The following PDE5A variants were observed in gnomAD, a reference collection of about 807,000 sequenced individuals.
PDE5A encodes phosphodiesterase 5A.
PDE5A carries 67 observed loss-of-function variants against 110.2 expected under a neutral mutation model. That is an observed-to-expected ratio of 0.61 (90% confidence interval 0.50 to 0.75). The LOEUF is 0.75. Ranked by LOEUF, PDE5A falls within the 30% of genes least tolerant of loss-of-function variation. PDE5A has a pLI of 0.00. For synonymous variants in PDE5A, 328 were observed against 351.2 expected, an observed-to-expected ratio of 0.93 and a Z score of 0.74; for missense variants, 862 against 1,045.1, an observed-to-expected ratio of 0.82 and a Z score of 2.42.
chr4:119,573,198 A>G (rs150787185), intron 3 of PDE5A, among the ~76,000 whole-genome samples: 1 of 152,292 alleles, frequency 6.6e-6, no homozygotes, highest in East Asian at 1.9e-4. Context: ...TGCTACTACA[A>G]TCTTTAAGAA....
At chr4:119,564,664 G>C (rs973040150) in intron 5 of PDE5A, among the ~76,000 whole-genome samples, 2 of 151,902 alleles carry the variant, frequency 1.3e-5, no homozygotes, top group Admixed American at 1.3e-4. Flanking sequence ...AGAGTTCAAG[G>C]AAAAAAATTC....
chr4:119,568,141 T>TCC (rs1157533513), intron 3 of PDE5A, among the ~76,000 whole-genome samples: 1 of 150,304 alleles, frequency 6.7e-6, no homozygotes, highest in Non-Finnish European at 1.5e-5. Context: ...TCTCTCTCTC[T>TCC]CTTTTTTTTT....
intron 2 of PDE5A, among the ~76,000 whole-genome samples, chr4:119,600,149 C>T (rs999107928): frequency 6.6e-6 from 1 of 151,212 alleles, no homozygotes; most frequent in Non-Finnish European, 1.5e-5. Flanking sequence ...ATATTAAAAT[C>T]TAGAAAGAGC....
chr4:119,609,747 A>T (rs542455412), intron 1 of PDE5A, among the ~76,000 whole-genome samples: 29 of 152,288 alleles, frequency 1.9e-4, no homozygotes, highest in Admixed American at 1.3e-4. Flanking sequence ...TGTATTGTAT[A>T]TTTAAAAATT....
chr4:119,582,790 G>A (rs192216193), intron 3 of PDE5A, among the ~76,000 whole-genome samples: 17 of 152,316 alleles, frequency 1.1e-4, no homozygotes, highest in Admixed American at 5.9e-4. Context: ...CTGTCACAGA[G>A]CAGTAATATT....
At chr4:119,601,850 A>C (rs28625289) in intron 2 of PDE5A, among the ~76,000 whole-genome samples, 1 of 152,040 alleles carries the variant, frequency 6.6e-6, no homozygotes, top group African/African-American at 2.4e-5. Flanking sequence ...ATGGTATTCC[A>C]GCTAAAAGGG....
At chr4:119,575,336 C>T (rs36173322) in intron 3 of PDE5A, among the ~76,000 whole-genome samples, 75,204 of 151,824 alleles carry the variant, frequency 0.5, 18,810 homozygotes, top group South Asian at 0.64. Flanking sequence ...ATACAGAGAA[C>T]GCCACAAAGA....
At chr4:119,566,340 G>A (rs1727932488) in intron 4 of PDE5A, among the ~76,000 whole-genome samples, 1 of 152,092 alleles carries the variant, frequency 6.6e-6, no homozygotes, top group African/African-American at 2.4e-5. Flanking sequence ...GTAATTTTCA[G>A]GGGAACAACA....
At chr4:119,539,386 CT>C (rs2110484554) in intron 10 of PDE5A, among the ~76,000 whole-genome samples, 1 of 151,194 alleles carries the variant, frequency 6.6e-6, no homozygotes, top group Non-Finnish European at 1.5e-5. Flanking sequence ...GCTATTTCTG[CT>C]TGTGTACAGA....
intron 1 of PDE5A, among the ~76,000 whole-genome samples, chr4:119,621,745 C>T (rs1196174410): frequency 6.6e-6 from 1 of 152,204 alleles, no homozygotes; most frequent in Non-Finnish European, 1.5e-5. Flanking sequence ...ATCCCGCAAG[C>T]AATTAAAATT....
At chr4:119,557,399 C>T (rs1727581125) in intron 7 of PDE5A, among the ~76,000 whole-genome samples, 1 of 152,134 alleles carries the variant, frequency 6.6e-6, no homozygotes, top group Admixed American at 6.5e-5. Context: ...ATCTTGGCAT[C>T]TGTTTCTTGG....
rs574345789 is a variant in PDE5A, at chr4:119,513,050, T to A, written c.2001-1916A>T. 4 of 152,202 alleles carry A rather than the reference T, an allele frequency of 2.6e-5. No homozygotes were observed. In the East Asian group the frequency reaches 7.7e-4, roughly 29 times the overall value. The allele number at this position is 152,202 out of a possible 1,614,324, so 9.4% of individuals were successfully genotyped here. ...GTGCAGGGCATGCCCATTTACGACA[T>A]CAAAACCCTCAATCCCACCTCTTAC... On this transcript the variant is annotated intron_variant, in intron 14 of 20. Transcript: ENST00000354960.
intron 11 of PDE5A, among the ~76,000 whole-genome samples, chr4:119,536,836 C>G (rs887949770): frequency 2.6e-5 from 4 of 152,144 alleles, no homozygotes; most frequent in Non-Finnish European, 5.9e-5. Flanking sequence ...TCCCTCCTTA[C>G]AACCTAATGA....
At chr4:119,580,845 G>A (rs1219805010) in intron 3 of PDE5A, among the ~76,000 whole-genome samples, 1 of 152,216 alleles carries the variant, frequency 6.6e-6, no homozygotes, top group Non-Finnish European at 1.5e-5. Flanking sequence ...GGTTATACAA[G>A]TTGTATTTCA....
intron 3 of PDE5A, 57 bp from the exon 4 acceptor site, chr4:119,567,201 A>T (rs1727973533): frequency 8.1e-7 from 1 of 1,240,718 alleles, no homozygotes. Flanking sequence ...ACTTGTAAAA[A>T]TTCACCAAAA....
intron 3 of PDE5A, among the ~76,000 whole-genome samples, chr4:119,583,671 C>T (rs1293519457): frequency 6.6e-6 from 1 of 152,058 alleles, no homozygotes; most frequent in Non-Finnish European, 1.5e-5. Context: ...TATCAACTGG[C>T]TTAATTATAA....
At chr4:119,554,758 T>A (rs1228981847) in intron 7 of PDE5A, among the ~76,000 whole-genome samples, 1 of 151,930 alleles carries the variant, frequency 6.6e-6, no homozygotes, top group Admixed American at 6.6e-5. Flanking sequence ...AAATAAAAAA[T>A]AACATAAATT....
At chr4:119,601,543 G>A (rs1198056757) in intron 2 of PDE5A, among the ~76,000 whole-genome samples, 1 of 151,650 alleles carries the variant, frequency 6.6e-6, no homozygotes, top group East Asian at 1.9e-4. Flanking sequence ...AATCATAAGT[G>A]TAGTGCTTTC....
At chr4:119,601,026 A>G (rs1729325651) in intron 2 of PDE5A, among the ~76,000 whole-genome samples, 1 of 152,186 alleles carries the variant, frequency 6.6e-6, no homozygotes, top group African/African-American at 2.4e-5. Flanking sequence ...ACAATTAAAC[A>G]TGTTTCTGAT....
Sources: gnomAD v4.1 joint callset for allele counts (sites outside exome capture counted in the v4.1 genomes callset) on GRCh38, gnomAD v4.1.1 for gene constraint, MANE v1.5 for transcripts, NCBI Gene and HGNC (gene_info 2026-07-23, HGNC 2026-07-21) for gene names.